The following PDE4D variants were observed in gnomAD, a reference collection of about 807,000 sequenced individuals.
PDE4D encodes phosphodiesterase 4D, also known as 3',5'-cyclic-AMP phosphodiesterase 4D.
In PDE4D, 24 loss-of-function variants were observed where a neutral mutation model predicts 87.4. The observed-to-expected ratio is 0.27, with a 90% CI of 0.20 to 0.39. PDE4D has a LOEUF of 0.39. Ranked by LOEUF, PDE4D falls within the 10% of genes least tolerant of loss-of-function variation. The pLI is 1.00. For synonymous variants in PDE4D, 384 were observed against 383.2 expected (o/e 1.00, Z -0.02); for missense variants, 714 against 1,041.0 (o/e 0.69, Z 4.32).
chr5:59,587,089 T>A, intron 1 of PDE4D: 1 of 664,530 alleles, frequency 1.5e-6, no homozygotes, highest in Non-Finnish European at 1.9e-6. Context: ...TTAACTACCA[T>A]CATGACTTCA....
chr5:59,920,907 C>T (rs1174058167), intron 3 of PDE4D, among the ~76,000 whole-genome samples: 1 of 151,740 alleles, frequency 6.6e-6, no homozygotes, highest in African/African-American at 2.4e-5. Context: ...AGGAGATATA[C>T]CTAATGTAAA....
chr5:59,702,285 G>A (rs1300287084), intron 1 of PDE4D, among the ~76,000 whole-genome samples: 3 of 151,836 alleles, frequency 2.0e-5, no homozygotes, highest in Non-Finnish European at 2.9e-5. Context: ...CACCACACCC[G>A]GCTAATTTTT....
At chr5:59,933,945 T>G (rs1756273969) in intron 3 of PDE4D, among the ~76,000 whole-genome samples, 1 of 152,132 alleles carries the variant, frequency 6.6e-6, no homozygotes, top group Non-Finnish European at 1.5e-5. Context: ...AGGAAAACAC[T>G]TAAAAACCTA....
chr5:59,088,966 T>C (rs1366244420), intron 5 of PDE4D, among the ~76,000 whole-genome samples: 1 of 152,138 alleles, frequency 6.6e-6, no homozygotes, highest in Non-Finnish European at 1.5e-5. Flanking sequence ...ATAAACAGAA[T>C]AGTAGGGATT....
intron 1 of PDE4D, among the ~76,000 whole-genome samples, chr5:59,868,595 T>C (rs1262901047): frequency 6.6e-6 from 1 of 152,168 alleles, no homozygotes; most frequent in Non-Finnish European, 1.5e-5. Context: ...AGAAAAAAGA[T>C]CACTTTCTTT....
intron 5 of PDE4D, among the ~76,000 whole-genome samples, chr5:59,061,807 A>T (rs1409338879): frequency 6.6e-6 from 1 of 152,158 alleles, no homozygotes; most frequent in East Asian, 1.9e-4. Context: ...ACAGATTATG[A>T]AACATAAATA....
At chr5:59,260,937 CA>C (rs3061504) in intron 1 of PDE4D, among the ~76,000 whole-genome samples, 51,337 of 138,346 alleles carry the variant, frequency 0.37, 9,525 homozygotes, top group East Asian at 0.58. Context: ...CAATATACAC[CA>C]AAAAAAAAAA....
intron 1 of PDE4D, among the ~76,000 whole-genome samples, chr5:59,474,234 A>G (rs1802922183): frequency 6.6e-6 from 1 of 152,144 alleles, no homozygotes; most frequent in Non-Finnish European, 1.5e-5. Flanking sequence ...ATTATATGCC[A>G]CTGTGTACTT....
intron 3 of PDE4D, among the ~76,000 whole-genome samples, chr5:59,957,489 A>C (rs952477015): frequency 1.3e-5 from 2 of 152,062 alleles, no homozygotes; most frequent in Non-Finnish European, 2.9e-5. Flanking sequence ...TTTTATCTGA[A>C]AATGTTATAT....
At chr5:59,195,565 C>A (rs1037182807) in intron 2 of PDE4D, among the ~76,000 whole-genome samples, 3 of 152,192 alleles carry the variant, frequency 2.0e-5, no homozygotes, top group Non-Finnish European at 4.4e-5. Context: ...ATGAAATGTA[C>A]AAGAACTTGG....
At chr5:60,358,807 CA>C (rs1373505570) in intron 1 of PDE4D, among the ~76,000 whole-genome samples, 24 of 152,150 alleles carry the variant, frequency 1.6e-4, no homozygotes, top group African/African-American at 5.1e-4. Flanking sequence ...ATTTAAATAA[CA>C]GACATAAATG....
At chr5:60,080,438 A>G (rs1195821071) in intron 2 of PDE4D, among the ~76,000 whole-genome samples, 2 of 152,170 alleles carry the variant, frequency 1.3e-5, no homozygotes, top group African/African-American at 4.8e-5. Flanking sequence ...GTGGTGAGAG[A>G]GGGCATCCTT....
chr5:60,188,460 C>T (rs1189426611), intron 1 of PDE4D: 1 of 152,076 alleles, frequency 6.6e-6, no homozygotes, highest in Admixed American at 6.5e-5. Flanking sequence ...GTCTCATTTT[C>T]CTTTCTCCAT....
chr5:59,833,369 A>C (rs190740300), intron 1 of PDE4D, among the ~76,000 whole-genome samples: 4 of 151,908 alleles, frequency 2.6e-5, no homozygotes, highest in Admixed American at 6.6e-5. Flanking sequence ...GGAAATGACA[A>C]TGGAGGAAAA....
intron 3 of PDE4D, among the ~76,000 whole-genome samples, chr5:59,953,346 CATT>C (rs1758492193): frequency 1.3e-5 from 2 of 151,264 alleles, no homozygotes; most frequent in East Asian, 1.9e-4. Flanking sequence ...TAAATATTTA[CATT>C]GTCTAGAATT....
intron 1 of PDE4D, among the ~76,000 whole-genome samples, chr5:60,519,630 C>G (rs1255778724): frequency 2.6e-5 from 4 of 152,138 alleles, no homozygotes; most frequent in Non-Finnish European, 5.9e-5. Context: ...GTTCATTTTC[C>G]AAAAGCCAAA....
chr5:59,132,763 T>C (rs1776465149), intron 5 of PDE4D, among the ~76,000 whole-genome samples: 1 of 152,198 alleles, frequency 6.6e-6, no homozygotes. Context: ...ATTTTCAGCT[T>C]TGCTTAGAGC....
At chr5:60,163,467 T>A (rs1782630380) in intron 2 of PDE4D, among the ~76,000 whole-genome samples, 1 of 152,182 alleles carries the variant, frequency 6.6e-6, no homozygotes, top group South Asian at 2.1e-4. Context: ...ATAGGAAATG[T>A]GGTTTTACAT....
chr5:59,922,831 G>C (rs779640190), intron 3 of PDE4D, among the ~76,000 whole-genome samples: 3 of 151,866 alleles, frequency 2.0e-5, no homozygotes, highest in Non-Finnish European at 4.4e-5. Flanking sequence ...GGAGAAAGAA[G>C]GGTAAAGAGG....
Sources: allele counts gnomAD v4.1 joint callset (sites outside exome capture counted in the v4.1 genomes callset), GRCh38; gene constraint gnomAD v4.1.1; transcripts MANE v1.5; gene names NCBI Gene and HGNC (gene_info 2026-07-23, HGNC 2026-07-21).